MAP2K5: variants seen among roughly 807,000 people sequenced by gnomAD.
The protein encoded by MAP2K5 is mitogen-activated protein kinase kinase 5.
In MAP2K5, 49 loss-of-function variants were observed where a neutral mutation model predicts 83.1. The observed-to-expected ratio is 0.59, with a 90% confidence interval of 0.47 to 0.75. The LOEUF is 0.75. Ranked by LOEUF, MAP2K5 falls within the 30% of genes least tolerant of loss-of-function variation. The probability of loss-of-function intolerance (pLI) is 0.00; values close to 1 mark genes in which losing one functional copy is unlikely to be tolerated. For missense variants in MAP2K5, 457 were observed against 557.5 expected (o/e 0.82, Z 1.82); for synonymous variants, 202 against 191.8 (o/e 1.05, Z -0.44).
intron 21 of MAP2K5, among the ~76,000 whole-genome samples, chr15:67,789,638 C>T (rs1217596811): frequency 1.3e-5 from 2 of 151,444 alleles, no homozygotes; most frequent in African/African-American, 2.4e-5. Context: ...TGCTTGAACC[C>T]GGGGAGGTGG....
chr15:67,787,333 C>G (rs1254129182), intron 21 of MAP2K5, among the ~76,000 whole-genome samples: 1 of 152,234 alleles, frequency 6.6e-6, no homozygotes, highest in Non-Finnish European at 1.5e-5. Flanking sequence ...CTTTCTGCAT[C>G]TTCTTTTCTG....
intron 9 of MAP2K5, among the ~76,000 whole-genome samples, chr15:67,643,025 G>A (rs1255441651): frequency 6.6e-6 from 1 of 151,998 alleles, no homozygotes; most frequent in Non-Finnish European, 1.5e-5. Context: ...ATTACCTGGG[G>A]AGCTTTACAA....
intron 19 of MAP2K5, among the ~76,000 whole-genome samples, chr15:67,761,591 G>A (rs1343089069): frequency 6.6e-6 from 1 of 152,206 alleles, no homozygotes; most frequent in African/African-American, 2.4e-5. Flanking sequence ...GTGTGGTGAT[G>A]TGGACTTTGG....
rs2090202686 is a variant in MAP2K5 at position 67,774,507 on chromosome 15, T to C, written c.1242+1755T>C. Reference sequence around the variant, plus strand: ...CTGTGGTCAGAGAGTGAGCCCTGCCTGGACTTTGGGCAAAAGATTGGGCCC... The same window carrying C: ...CTGTGGTCAGAGAGTGAGCCCTGCCCGGACTTTGGGCAAAAGATTGGGCCC... On this transcript the variant is annotated intron_variant, in intron 21 of 21. Transcript: ENST00000178640. This position sits in a 1 kb window ranked among gnomAD's most constrained non-coding sequence, Gnocchi z 4.9. Among the ~76,000 whole-genome samples, 1 of 152,122 alleles carries C rather than the reference T, an allele frequency of 6.6e-6. No individual in the cohort carries two copies. The highest frequency in any genetic ancestry group is 1.5e-5 in the Non-Finnish European group (1 of 68,022).
chr15:67,558,855 TTTTG>T (rs1433132716), intron 2 of MAP2K5, among the ~76,000 whole-genome samples: 2 of 152,172 alleles, frequency 1.3e-5, no homozygotes, highest in African/African-American at 4.8e-5. Flanking sequence ...GAAGGCAGGA[TTTTG>T]TTTGTTTTTT....
intron 13 of MAP2K5, among the ~76,000 whole-genome samples, chr15:67,678,721 T>G (rs531866166): frequency 6.6e-6 from 1 of 152,230 alleles, no homozygotes; most frequent in African/African-American, 2.4e-5. Context: ...ATCCCAACAC[T>G]TTGGGAAGCC....
In MAP2K5 at chr15:67,590,442, C is replaced by CTCTCTCTCTCTCTCTCTCTCTCT. The variant is rs2085377738; in HGVS notation, c.432-2484_432-2483insTCTCTCTCTCTCTCTCTCTCTCT. On this transcript the variant is annotated intron_variant, in intron 6 of 21. Transcript: ENST00000178640. ...CCCTCCCTCCCTCTCTCTCTCCCTCCCTCCCTCTCTCTCTCTCTCTCTCTC... is the reference window on the plus strand; with the variant it reads ...CCCTCCCTCCCTCTCTCTCTCCCTCCTCTCTCTCTCTCTCTCTCTCTCTCTCCCTCTCTCTCTCTCTCTCTCTC... Among the ~76,000 whole-genome samples, 3 of 5,822 alleles carry CTCTCTCTCTCTCTCTCTCTCTCT rather than the reference C, an allele frequency of 5.2e-4. 1 individual carries two copies. Among genetic ancestry groups the CTCTCTCTCTCTCTCTCTCTCTCT allele is most frequent in the African/African-American group, 1.1e-3 (3 of 2,642 alleles). The allele number at this position is 5,822 out of a possible 152,430, so 3.8% of individuals were successfully genotyped here. A position where few individuals can be genotyped will look rare whatever the true frequency, so the allele number is the denominator to read the frequency against.
At position 67,746,439 on chromosome 15, in the gene MAP2K5, GAGTATC is replaced by G. The variant is rs888958214; in HGVS notation, c.1075-1788_1075-1783del. On this transcript the variant is annotated intron_variant, in intron 17 of 21. Coordinates refer to ENST00000178640, the MANE Select transcript of MAP2K5 (RefSeq NM_145160.3). This position sits in a 1 kb window ranked among gnomAD's most constrained non-coding sequence, Gnocchi z 4.1. ...CTTACTAGGAATGTAGGGGTGGGGG[GAGTATC>G]AGTGTGTGCTTGAAAAAAAAATAAA... Among the ~76,000 whole-genome samples the G allele has an allele frequency of 3.3e-5, 5 of 151,988 alleles. No individual in the cohort carries two copies. The highest frequency in any genetic ancestry group is 1.2e-4 in the African/African-American group (5 of 41,364).
In MAP2K5 at chr15:67,700,186, G is replaced by T. The variant is rs531986468; in HGVS notation, c.973-3151G>T. 2.6e-5 allele frequency among the ~76,000 whole-genome samples: 4 copies of T among 152,308 alleles called. No homozygotes were observed. In the South Asian group the frequency reaches 8.3e-4, roughly 32 times the overall value. On this transcript the variant is annotated intron_variant, in intron 15 of 21. Coordinates refer to ENST00000178640, the MANE Select transcript of MAP2K5 (RefSeq NM_145160.3). ...TTCTGGAGTTAGTTAACTAAATGTG[G>T]ATTCTTGTCAAGGCTGAGTCACAGA... is the stretch of plus-strand genomic sequence containing the variant.
At position 67,721,667 on chromosome 15, in the gene MAP2K5, G is replaced by T. The variant is rs115250528; in HGVS notation, c.1045-6249G>T. 4.6e-3 allele frequency among the ~76,000 whole-genome samples: 694 copies of T among 152,262 alleles called. 5 individuals are homozygous for T. The highest frequency in any genetic ancestry group is 0.016 in the African/African-American group (669 of 41,542). ...CTTGAGCAAATTAATTAAGCTGCTG[G>T]TGCCTCCATTGGGCCATAATTCTGT... On this transcript the variant is annotated intron_variant, in intron 16 of 21. Coordinates refer to ENST00000178640, the MANE Select transcript of MAP2K5 (RefSeq NM_145160.3).
rs1449550078 is a variant in MAP2K5 at position 67,577,037 on chromosome 15, G to A, written c.253-3717G>A. ...TGCAAGCTCCGCTTCCCGGGTTCAC[G>A]CCATTCTCCTGCCTCAGCCTCCCGA... On this transcript the variant is annotated intron_variant, in intron 3 of 21. Transcript: ENST00000178640. The surrounding 1 kb of genome is among the most constrained non-coding windows in gnomAD (Gnocchi z 4.1). Among the ~76,000 whole-genome samples the A allele has an allele frequency of 1.4e-5, 2 of 145,284 alleles. No individual in the cohort carries two copies. Among genetic ancestry groups the A allele is most frequent in the Non-Finnish European group, 3.0e-5 (2 of 65,812 alleles).
chr15:67,711,348 G>T (rs2088687798), intron 16 of MAP2K5, among the ~76,000 whole-genome samples: 1 of 152,186 alleles, frequency 6.6e-6, no homozygotes, highest in Admixed American at 6.5e-5. Flanking sequence ...AGAGCTTTCA[G>T]TTTACCAAGG....
intron 1 of MAP2K5, among the ~76,000 whole-genome samples, chr15:67,547,335 G>A (rs1172227481): frequency 6.6e-6 from 1 of 151,884 alleles, no homozygotes; most frequent in East Asian, 1.9e-4. Context: ...CTCGTGGCAT[G>A]TTGTAGATGC....
chr15:67,704,452 A>G (rs867623292), intron 16 of MAP2K5, among the ~76,000 whole-genome samples: 1 of 152,240 alleles, frequency 6.6e-6, no homozygotes, highest in Non-Finnish European at 1.5e-5. Context: ...TAGAGTTGCA[A>G]TCATGATTTT....
In MAP2K5 at chr15:67,600,797, T is replaced by C. The variant is rs776144996; in HGVS notation, c.545+48T>C. The C allele has an allele frequency of 2.1e-6, 3 of 1,401,724 alleles. No homozygotes were observed. In the South Asian group the frequency reaches 3.8e-5, roughly 18 times the overall value. The allele number at this position is 1,401,724 out of a possible 1,614,324, so 86.8% of individuals were successfully genotyped here. ...ACTTTCTATCCGCTTTTCCAAATAC[T>C]GAGTATCCAAGTTCTCTGTGGCAAA... On this transcript the variant is annotated intron_variant, in intron 8 of 21. Transcript: ENST00000178640.
Position 67,717,865 on chromosome 15 carries a change from G to C in MAP2K5, c.1045-10051G>C, listed in dbSNP as rs1228817354. ...ATTGCAAAAGCTACAGATCTGTTAA[G>C]GCCCAACCTCAGAAATTACACAGGA... On this transcript the variant is annotated intron_variant, in intron 16 of 21. Transcript: ENST00000178640. The surrounding 1 kb of genome is among the most constrained non-coding windows in gnomAD (Gnocchi z 4.1). The C allele has an allele frequency of 6.6e-6, 1 of 152,192 alleles. No homozygotes were observed. Among genetic ancestry groups the C allele is most frequent in the Non-Finnish European group, 1.5e-5 (1 of 68,044 alleles). The allele number at this position is 152,192 out of a possible 1,614,324, so 9.4% of individuals were successfully genotyped here.
At position 67,780,285 on chromosome 15, in the gene MAP2K5, TA is replaced by T. The variant is rs1462711419; in HGVS notation, c.1242+7535del. Among the ~76,000 whole-genome samples, 14 of 143,046 alleles carry T rather than the reference TA, an allele frequency of 9.8e-5. No individual in the cohort carries two copies. The highest frequency in any genetic ancestry group is 3.7e-4 in the African/African-American group (14 of 38,314). The allele number at this position is 143,046 out of a possible 152,430, so 93.8% of individuals were successfully genotyped here. On this transcript the variant is annotated intron_variant, in intron 21 of 21. Coordinates refer to ENST00000178640, the MANE Select transcript of MAP2K5 (RefSeq NM_145160.3). This position sits in a 1 kb window ranked among gnomAD's most constrained non-coding sequence, Gnocchi z 5.0. ...GGGAGCAGATACTTTTTTTTTTTTT[TA>T]ACCTTTAAAGTTCTCTAGGTGATTA...
At position 67,774,067 on chromosome 15, in the gene MAP2K5, G is replaced by A. The variant is rs1369305652; in HGVS notation, c.1242+1315G>A. Among the ~76,000 whole-genome samples, 1 of 152,136 alleles carries A rather than the reference G, an allele frequency of 6.6e-6. No individual in the cohort carries two copies. Among genetic ancestry groups the A allele is most frequent in the East Asian group, 1.9e-4 (1 of 5,202 alleles). The stretch of plus-strand genomic sequence containing the variant: ...CATACGCCCATAAATGTATATGGAT[G>A]TATATGTTGGTAAGGAACACCACTC... On this transcript the variant is annotated intron_variant, in intron 21 of 21. Coordinates refer to ENST00000178640, the MANE Select transcript of MAP2K5 (RefSeq NM_145160.3). This position sits in a 1 kb window ranked among gnomAD's most constrained non-coding sequence, Gnocchi z 4.9.
At chr15:67,776,175 A>G (rs935516010) in intron 21 of MAP2K5, among the ~76,000 whole-genome samples, 4 of 152,198 alleles carry the variant, frequency 2.6e-5, no homozygotes, top group Admixed American at 2.6e-4. Flanking sequence ...AACATTCAGC[A>G]TACCGACAGA....
Sources: gnomAD v4.1 joint callset for allele counts (sites outside exome capture counted in the v4.1 genomes callset) on GRCh38, gnomAD v4.1.1 for gene constraint, Gnocchi (gnomAD v3.1) non-coding constraint, MANE v1.5 for transcripts, NCBI Gene and HGNC (gene_info 2026-07-23, HGNC 2026-07-21) for gene names.